NELL1: variants seen among roughly 807,000 people sequenced by gnomAD.
The protein encoded by NELL1 is neural EGFL like 1.
NELL1 carries 76 observed loss-of-function variants against 107.4 expected under a neutral mutation model. The observed-to-expected ratio is 0.71, with a 90% CI of 0.59 to 0.86. The LOEUF is 0.86. NELL1 is among the 40% of genes least tolerant of loss of function. The pLI, the probability that NELL1 is intolerant of heterozygous loss-of-function variation, is 0.00. For missense variants in NELL1, 1,024 were observed against 1,005.5 expected, an observed-to-expected ratio of 1.02 and a Z score of -0.25; for synonymous variants, 353 against 341.2, an observed-to-expected ratio of 1.03 and a Z score of -0.38.
At chr11:21,367,963 G>T (rs1465324313) in intron 14 of NELL1, among the ~76,000 whole-genome samples, 2 of 152,062 alleles carry the variant, frequency 1.3e-5, no homozygotes, top group Non-Finnish European at 1.5e-5. Flanking sequence ...TCATTGAAAT[G>T]CTGAGTTCAT....
intron 3 of NELL1, among the ~76,000 whole-genome samples, chr11:20,817,473 C>G (rs1857648420): frequency 6.6e-6 from 1 of 152,022 alleles, no homozygotes; most frequent in South Asian, 2.1e-4. Context: ...TCTTTGATAT[C>G]AGTTGTTATG....
intron 15 of NELL1, among the ~76,000 whole-genome samples, chr11:21,412,507 A>T (rs189405922): frequency 9.2e-5 from 14 of 152,234 alleles, no homozygotes. Context: ...TCACCCAGTT[A>T]ATAAATGACA....
At chr11:21,350,238 T>C (rs1311864468) in intron 14 of NELL1, among the ~76,000 whole-genome samples, 3 of 152,110 alleles carry the variant, frequency 2.0e-5, no homozygotes, top group Non-Finnish European at 4.4e-5. Context: ...AACTATTGGA[T>C]ATGGTATTAT....
At chr11:21,506,033 G>A (rs1855269972) in intron 15 of NELL1, among the ~76,000 whole-genome samples, 1 of 152,176 alleles carries the variant, frequency 6.6e-6, no homozygotes, top group Non-Finnish European at 1.5e-5. Context: ...ATACCCTAAT[G>A]TGGTAAAACA....
intron 12 of NELL1, among the ~76,000 whole-genome samples, chr11:21,106,954 G>A (rs1854984260): frequency 6.6e-6 from 1 of 152,156 alleles, no homozygotes; most frequent in Non-Finnish European, 1.5e-5. Context: ...AAAAAGGGAA[G>A]AATAATTTAC....
At chr11:21,153,317 C>T (rs749477017) in intron 13 of NELL1, among the ~76,000 whole-genome samples, 7 of 151,862 alleles carry the variant, frequency 4.6e-5, no homozygotes, top group Non-Finnish European at 7.4e-5. Context: ...TGTGTATGTG[C>T]GTGCATGTGT....
intron 15 of NELL1, among the ~76,000 whole-genome samples, chr11:21,520,518 A>G (rs1418512045): frequency 1.3e-5 from 2 of 152,174 alleles, no homozygotes; most frequent in Non-Finnish European, 2.9e-5. Context: ...AGGGGTGGTA[A>G]TATGATGATG....
intron 15 of NELL1, among the ~76,000 whole-genome samples, chr11:21,522,446 T>G (rs1355405172): frequency 1.3e-5 from 2 of 152,176 alleles, no homozygotes; most frequent in African/African-American, 4.8e-5. Flanking sequence ...TTGTCCTAAG[T>G]TAAACAAGTC....
At chr11:21,342,631 G>C (rs1850596265) in intron 14 of NELL1, among the ~76,000 whole-genome samples, 2 of 136,044 alleles carry the variant, frequency 1.5e-5, no homozygotes, top group Non-Finnish European at 3.1e-5. Context: ...ATGACAGAGA[G>C]AGACTGTCTT....
chr11:21,110,098 A>G (rs1855070954), intron 12 of NELL1, among the ~76,000 whole-genome samples: 2 of 152,102 alleles, frequency 1.3e-5, no homozygotes, highest in Non-Finnish European at 2.9e-5. Flanking sequence ...TAGCTTTTAT[A>G]TCTGGTGGTT....
chr11:21,481,554 G>A (rs769952487), intron 15 of NELL1, among the ~76,000 whole-genome samples: 2 of 152,210 alleles, frequency 1.3e-5, no homozygotes, highest in Non-Finnish European at 2.9e-5. Flanking sequence ...AAGAGCACAA[G>A]TAAATGAAAC....
intron 13 of NELL1, among the ~76,000 whole-genome samples, chr11:21,159,936 C>G (rs1229983491): frequency 6.6e-6 from 1 of 152,168 alleles, no homozygotes; most frequent in Non-Finnish European, 1.5e-5. Context: ...ACTCTCAGGA[C>G]CAGATGTGTC....
chr11:20,846,024 C>A (rs574508268), intron 3 of NELL1, among the ~76,000 whole-genome samples: 6 of 152,286 alleles, frequency 3.9e-5, no homozygotes, highest in Non-Finnish European at 8.8e-5. Context: ...CTGGAGAATT[C>A]CCTTAAAATA....
At chr11:20,784,873 C>A (rs745807099) in intron 3 of NELL1, among the ~76,000 whole-genome samples, 16 of 151,992 alleles carry the variant, frequency 1.1e-4, no homozygotes, top group Non-Finnish European at 2.2e-4. Context: ...GGCATAACCA[C>A]ACAAAAAGCT....
chr11:21,376,545 T>G (rs1317936606), intron 15 of NELL1, among the ~76,000 whole-genome samples: 2 of 152,092 alleles, frequency 1.3e-5, no homozygotes, highest in Non-Finnish European at 2.9e-5. Context: ...TTGTTTCGGT[T>G]CCAAATGAAT....
intron 12 of NELL1, among the ~76,000 whole-genome samples, chr11:20,973,043 G>A (rs996096455): frequency 1.3e-5 from 2 of 150,844 alleles, no homozygotes; most frequent in South Asian, 4.2e-4. Context: ...CCTCCTCTGG[G>A]TTCTAGTAGC....
At chr11:20,840,837 A>T (rs1848608514) in intron 3 of NELL1, among the ~76,000 whole-genome samples, 1 of 152,154 alleles carries the variant, frequency 6.6e-6, no homozygotes, top group Non-Finnish European at 1.5e-5. Context: ...CAGATGGGAG[A>T]TATTGTGTCT....
chr11:21,359,661 T>G (rs981149868), intron 14 of NELL1, among the ~76,000 whole-genome samples: 2 of 152,198 alleles, frequency 1.3e-5, no homozygotes, highest in African/African-American at 4.8e-5. Flanking sequence ...TTAAAATTAC[T>G]GTTTCAATCT....
At chr11:21,362,409 G>A (rs926836990) in intron 14 of NELL1, among the ~76,000 whole-genome samples, 12 of 152,210 alleles carry the variant, frequency 7.9e-5, no homozygotes, top group African/African-American at 2.9e-4. Context: ...GGGAAGTGAA[G>A]TAGACTCTAT....
Sources: allele counts gnomAD v4.1 joint callset (sites outside exome capture counted in the v4.1 genomes callset), GRCh38; gene constraint gnomAD v4.1.1; transcripts MANE v1.5; gene names NCBI Gene and HGNC (gene_info 2026-07-23, HGNC 2026-07-21).